ZMYND10: variants seen among roughly 807,000 people sequenced by gnomAD.
The protein encoded by ZMYND10 is zinc finger MYND domain-containing protein 10.
Under a neutral mutation model 62.6 loss-of-function variants are expected in ZMYND10, and 52 were observed. That is an observed-to-expected ratio of 0.83 (90% CI 0.67 to 1.05). The LOEUF is 1.05. Among genes scored for constraint, ZMYND10 ranks in the 50% least tolerant of loss-of-function variants. ZMYND10 has a pLI of 0.00. For synonymous variants in ZMYND10, 197 were observed against 218.5 expected, an observed-to-expected ratio of 0.90 and a Z score of 0.87; for missense variants, 438 against 543.3, an observed-to-expected ratio of 0.81 and a Z score of 1.93.
At position 50,342,047 on chromosome 3, in the gene ZMYND10, G is replaced by A. The variant is rs397515460; in HGVS notation, c.967C>T (p.Gln323Ter). The A allele has an allele frequency of 3.7e-6, 6 of 1,614,106 alleles. No individual in the cohort carries two copies. In the Admixed American group the frequency reaches 8.3e-5, roughly 22 times the overall value. The part of the protein sequence containing the change: ...FLAHLTLTET[Q>*]PPKKDLVLEQ... The stretch of plus-strand genomic sequence containing the variant: ...AACACCAGGTCCTTCTTAGGAGGCT[G>A]GGTTTCAGTTAGGGTCAGATGGGCC... The change falls in exon 9 of 12, where the codon CAG (glutamine) becomes TAG (stop). Residue 323 changes from glutamine to a stop codon, truncating the protein, a stop_gained. Transcript: ENST00000231749. LOFTEE classifies it high-confidence loss of function.
rs1339405483 is a variant in ZMYND10 at position 50,342,162 on chromosome 3, G to A, written c.874-22C>T. ...GAAGCTGCAAGGGTGTCCAGTGGAG[G>A]CCAGTGTGATGCAGGTGCTGGCCAG... On this transcript the variant is annotated intron_variant, in intron 8 of 11. Transcript: ENST00000231749. The A allele has an allele frequency of 1.5e-5, 24 of 1,602,974 alleles. No homozygotes were observed. The East Asian group carries it at 5.4e-4, about 36-fold the overall frequency.
At chr3:50,344,108 T>C (rs1703467893) in intron 2 of ZMYND10, 7 of 493,054 alleles carry the variant, frequency 1.4e-5, no homozygotes, top group South Asian at 1.3e-4. Context: ...TTGCCCTGCC[T>C]GCACCTGCAC....
chr3:50,341,542 C>T lies in ZMYND10; in HGVS notation c.1247+32G>A, dbSNP rs759367969. 3.1e-6 allele frequency: 5 copies of T among 1,614,206 alleles called. No homozygotes were observed. The South Asian group carries it at 5.5e-5, about 18-fold the overall frequency. The stretch of plus-strand genomic sequence containing the variant: ...GCATGTGGGGGATGTGGGAGTAGGG[C>T]TTAGAGGTCCAAGGTTCTAGGATAC... On this transcript the variant is annotated intron_variant, in intron 11 of 11. Transcript: ENST00000231749.
At chr3:50,343,967 A>G (rs1224474586) in intron 2 of ZMYND10, 117 bp from the exon 3 acceptor site, 6 of 859,560 alleles carry the variant, frequency 7.0e-6, no homozygotes, top group Non-Finnish European at 1.1e-5. Context: ...CCCCTAAACT[A>G]TTCCAGACCC....
Position 50,341,582 on chromosome 3 carries a change from A to G in ZMYND10, c.1239T>C (p.Tyr413=). 1 of 1,614,236 alleles carries G rather than the reference A, an allele frequency of 6.2e-7. No homozygotes were observed. The highest frequency in any genetic ancestry group is 8.5e-7 in the Non-Finnish European group (1 of 1,180,034). The stretch of plus-strand genomic sequence containing the variant: ...TTCTAGGATACCCTCACCTGCAGCA[A>G]TACCACTCATTCTGGCATCGTGAGC... ...KRCSRCQNEW[Y]CCRECQVKHW... Residue 413 remains tyrosine (Y), a synonymous_variant, in exon 11 of 12, where the codon TAT becomes TAC. Coordinates refer to ENST00000231749, the MANE Select transcript of ZMYND10 (RefSeq NM_015896.4).
rs1476886620 is a variant in ZMYND10, at chr3:50,344,619, T to TC, written c.201+504_201+505insG. ...CAGGCATGAGCTACCATGCCCGGCT[T>TC]TTTTTTTTTTTTTTTTGGTCAATTG... is the stretch of plus-strand genomic sequence containing the variant. On this transcript the variant is annotated intron_variant, in intron 2 of 11. Transcript: ENST00000231749. 2.4e-3 allele frequency among the ~76,000 whole-genome samples: 261 copies of TC among 108,442 alleles called. 1 individual carries two copies. The highest frequency in any genetic ancestry group is 0.011 in the African/African-American group (251 of 22,678). The allele number at this position is 108,442 out of a possible 152,430, so 71.1% of individuals were successfully genotyped here.
Position 50,342,472 on chromosome 3 carries a change from C to T in ZMYND10, c.798G>A (p.Leu266=). 4 of 1,613,694 alleles carry T rather than the reference C, an allele frequency of 2.5e-6. No homozygotes were observed. Among genetic ancestry groups the T allele is most frequent in the Non-Finnish European group, 3.4e-6 (4 of 1,179,820 alleles). The change falls in exon 8 of 12, where the codon CTG becomes CTA. Residue 266 remains leucine, a synonymous_variant. Coordinates refer to ENST00000231749, the MANE Select transcript of ZMYND10 (RefSeq NM_015896.4). ...SKLDGQVWIA[L]YNLLLSPEAQ... is the part of the protein sequence containing the mutation. ...CCTCAGGGCTTAGCAGCAGGTTGTA[C>T]AGGGCGATCCACACTTGCCCGTCCA...
At position 50,345,086 on chromosome 3, in the gene ZMYND10, G is replaced by C. The variant is rs775767785; in HGVS notation, c.201+38C>G. 1 of 1,589,158 alleles carries C rather than the reference G, an allele frequency of 6.3e-7. No individual in the cohort carries two copies. Among genetic ancestry groups the C allele is most frequent in the Admixed American group, 1.7e-5 (1 of 58,864 alleles). On this transcript the variant is annotated intron_variant, in intron 2 of 11. Coordinates refer to ENST00000231749, the MANE Select transcript of ZMYND10 (RefSeq NM_015896.4). This position sits in a 1 kb window ranked among gnomAD's most constrained non-coding sequence, Gnocchi z 5.0. Reference sequence around the variant, plus strand: ...CGGAGGGGTAGAGTAGGTGAGGTATGGGGGAAGGCAGGAACCCTGCCTGTG... The same window carrying C: ...CGGAGGGGTAGAGTAGGTGAGGTATCGGGGAAGGCAGGAACCCTGCCTGTG...
Position 50,343,606 on chromosome 3 carries a change from T to C in ZMYND10, c.329A>G (p.Glu110Gly), listed in dbSNP as rs1559851562. Residue 110 changes from glutamate to glycine, a missense_variant, in exon 4 of 12, where the codon GAG (glutamate) becomes GGG (glycine). Coordinates refer to ENST00000231749, the MANE Select transcript of ZMYND10 (RefSeq NM_015896.4). The stretch of plus-strand genomic sequence containing the variant: ...CTCCAAGAGGTTGATGATGGAGGCC[T>C]CGTGGTGCACCTGTCAGATAAAGAG... ...TFPIYMVVHHEASIINLLETV... is the reference protein window; with the variant it reads ...TFPIYMVVHHGASIINLLETV... 6.2e-7 allele frequency: 1 copy of C among 1,614,140 alleles called. No individual in the cohort carries two copies.
rs1575555937 is a variant in ZMYND10 at position 50,344,119 on chromosome 3, C to G, written c.202-269G>C. On this transcript the variant is annotated intron_variant, in intron 2 of 11. Coordinates refer to ENST00000231749, the MANE Select transcript of ZMYND10 (RefSeq NM_015896.4). ...TGCCTTGCCCTGCCTGCACCTGCAC[C>G]CTTATCCTCTGCCCGCCCATTCAGG... 1.5e-5 allele frequency: 7 copies of G among 473,668 alleles called. No homozygotes were observed. In the East Asian group the frequency reaches 2.8e-4, roughly 19 times the overall value. The allele number at this position is 473,668 out of a possible 1,614,324, so 29.3% of individuals were successfully genotyped here.
Position 50,345,440 on chromosome 3 carries a change from G to T in ZMYND10, c.92+48C>A. 6.4e-7 allele frequency: 1 copy of T among 1,552,768 alleles called. No individual in the cohort carries two copies. Among genetic ancestry groups the T allele is most frequent in the South Asian group, 1.2e-5 (1 of 84,464 alleles). On this transcript the variant is annotated intron_variant, in intron 1 of 11. Transcript: ENST00000231749. This position sits in a 1 kb window ranked among gnomAD's most constrained non-coding sequence, Gnocchi z 5.0. ...CCCCCGAGTCAGGCCCCAGCTCCCCGACTCAAGGACAATGACTCCGGGACT... is the reference window on the plus strand; with the variant it reads ...CCCCCGAGTCAGGCCCCAGCTCCCCTACTCAAGGACAATGACTCCGGGACT...
chr3:50,345,064 AG>A lies in ZMYND10; in HGVS notation c.201+59del. ...GGGAAGGGCACACAGGGGACTCCGG[AG>A]GGGTAGAGTAGGTGAGGTATGGGGG... On this transcript the variant is annotated intron_variant, in intron 2 of 11. Transcript: ENST00000231749. The surrounding 1 kb of genome is among the most constrained non-coding windows in gnomAD (Gnocchi z 5.0). 1 of 1,472,420 alleles carries A rather than the reference AG, an allele frequency of 6.8e-7. No individual in the cohort carries two copies. The highest frequency in any genetic ancestry group is 2.3e-5 in the East Asian group (1 of 43,494). The allele number at this position is 1,472,420 out of a possible 1,614,324, so 91.2% of individuals were successfully genotyped here.
chr3:50,343,838 C>G lies in ZMYND10; in HGVS notation c.214G>C (p.Val72Leu), dbSNP rs1307028679. Residue 72 changes from valine to leucine, a missense_variant, in exon 3 of 12, where the codon GTG becomes CTG. Coordinates refer to ENST00000231749, the MANE Select transcript of ZMYND10 (RefSeq NM_015896.4). The stretch of plus-strand genomic sequence containing the variant: ...ATCTCCACTGCGATCAGCTCCTCCA[C>G]CAGTGTTGGGACCTTTGAAGGGTAG... ...LVTHGKVPTL[V>L]EELIAVEMWK... 4 of 1,614,160 alleles carry G rather than the reference C, an allele frequency of 2.5e-6. No homozygotes were observed. The highest frequency in any genetic ancestry group is 3.4e-6 in the Non-Finnish European group (4 of 1,180,018).
At position 50,342,457 on chromosome 3, in the gene ZMYND10, T is replaced by C. The variant is rs1448399817; in HGVS notation, c.813A>G (p.Leu271=). ...QVWIALYNLL[L]SPEAQARYCL... ...AGTAGCGCGCCTGAGCCTCAGGGCT[T>C]AGCAGCAGGTTGTACAGGGCGATCC... The change falls in exon 8 of 12, where the codon CTA becomes CTG. Residue 271 remains leucine (L), a synonymous_variant. Transcript: ENST00000231749. The C allele has an allele frequency of 3.1e-6, 5 of 1,612,466 alleles. No individual in the cohort carries two copies. The highest frequency in any genetic ancestry group is 4.2e-6 in the Non-Finnish European group (5 of 1,179,300).
In ZMYND10 at chr3:50,342,493, G is replaced by T; in HGVS notation, c.777C>A (p.Asp259Glu). ...PSEQQKLSKL[D>E]GQVWIALYNL... is the part of the protein sequence containing the mutation. Reference sequence around the variant, plus strand: ...TGTACAGGGCGATCCACACTTGCCCGTCCAACTTGCTCAGCTTTTGCTGCT... The same window carrying T: ...TGTACAGGGCGATCCACACTTGCCCTTCCAACTTGCTCAGCTTTTGCTGCT... Residue 259 changes from aspartate (D) to glutamate (E), a missense_variant, in exon 8 of 12, where the codon GAC (aspartate) becomes GAA (glutamate). Transcript: ENST00000231749. The T allele has an allele frequency of 6.2e-7, 1 of 1,614,028 alleles. No individual in the cohort carries two copies. The highest frequency in any genetic ancestry group is 2.2e-5 in the East Asian group (1 of 44,878).
chr3:50,341,656 G>T lies in ZMYND10; in HGVS notation c.1165C>A (p.Pro389Thr). ...YRLDVLEAVA[P>T]ERPRCAYCSA... is the part of the protein sequence containing the mutation. Reference sequence around the variant, plus strand: ...CAGTAAGCACAGCGGGGCCGCTCTGGAGCCACTGCCTCTAGCACATCCAGC... The same window carrying T: ...CAGTAAGCACAGCGGGGCCGCTCTGTAGCCACTGCCTCTAGCACATCCAGC... Residue 389 changes from proline (P) to threonine (T), a missense_variant, in exon 11 of 12, where the codon CCA (proline) becomes ACA (threonine). By Grantham distance (38) the Pro-to-Thr change is conservative (BLOSUM62 -1). Transcript: ENST00000231749. 1.9e-6 allele frequency: 3 copies of T among 1,614,252 alleles called. No individual in the cohort carries two copies. Among genetic ancestry groups the T allele is most frequent in the Non-Finnish European group, 2.5e-6 (3 of 1,180,044 alleles).
rs1575556731 is a variant in ZMYND10 at position 50,345,065 on chromosome 3, G to A, written c.201+59C>T. The A allele has an allele frequency of 1.3e-6, 2 of 1,481,664 alleles. No individual in the cohort carries two copies. The highest frequency in any genetic ancestry group is 1.9e-6 in the Non-Finnish European group (2 of 1,068,886). 91.8% of individuals were successfully genotyped at this position (1,481,664 alleles called of 1,614,324 possible). ...GGAAGGGCACACAGGGGACTCCGGAGGGGTAGAGTAGGTGAGGTATGGGGG... is the reference window on the plus strand; with the variant it reads ...GGAAGGGCACACAGGGGACTCCGGAAGGGTAGAGTAGGTGAGGTATGGGGG... On this transcript the variant is annotated intron_variant, in intron 2 of 11. Transcript: ENST00000231749. The surrounding 1 kb of genome is among the most constrained non-coding windows in gnomAD (Gnocchi z 5.0).
In ZMYND10 at chr3:50,342,692, AGGCTATAG is replaced by A. The variant is rs753336638; in HGVS notation, c.701-131_701-124del. On this transcript the variant is annotated intron_variant, in intron 7 of 11. Transcript: ENST00000231749. Reference sequence around the variant, plus strand: ...AGAACCTGGGCTGCAGGACTTGCCCAGGCTATAGGGCTGCTGACCCCAGAGCAGGGTGA... The same window carrying A: ...AGAACCTGGGCTGCAGGACTTGCCCAGGCTGCTGACCCCAGAGCAGGGTGA... 157 of 1,485,116 alleles carry A rather than the reference AGGCTATAG, an allele frequency of 1.1e-4. No individual in the cohort carries two copies. In the South Asian group the frequency reaches 2.0e-3, roughly 19 times the overall value. 92.0% of individuals were successfully genotyped at this position (1,485,116 alleles called of 1,614,324 possible).
chr3:50,342,778 C>T, intron 7 of ZMYND10, 140 bp downstream of exon 7: 1 of 1,473,188 alleles, frequency 6.8e-7, no homozygotes, highest in South Asian at 1.4e-5. Flanking sequence ...AGGTCTAGGC[C>T]AACCTTGGCT....
Sources: gnomAD v4.1 joint callset for allele counts (sites outside exome capture counted in the v4.1 genomes callset) on GRCh38, gnomAD v4.1.1 for gene constraint, Gnocchi (gnomAD v3.1) non-coding constraint, MANE v1.5 for transcripts, NCBI Gene and HGNC (gene_info 2026-07-23, HGNC 2026-07-21) for gene names.